TMPRSS11E: variants seen among roughly 807,000 people sequenced by gnomAD.
TMPRSS11E encodes the protein transmembrane serine protease 11E.
TMPRSS11E carries 38 observed loss-of-function variants against 48.1 expected under a neutral mutation model. The observed-to-expected ratio is 0.79, with a 90% CI of 0.61 to 1.04. The LOEUF is 1.04. Among genes scored for constraint, TMPRSS11E ranks in the 50% least tolerant of loss-of-function variants. The probability of loss-of-function intolerance (pLI) is 0.00; values close to 1 mark genes in which losing one functional copy is unlikely to be tolerated. For synonymous variants in TMPRSS11E, 158 were observed against 171.9 expected (o/e 0.92, Z 0.63); for missense variants, 530 against 510.8 (o/e 1.04, Z -0.36).
chr4:68,466,434 C>G (rs991773595), intron 2 of TMPRSS11E, among the ~76,000 whole-genome samples, 197 bp from the exon 3 acceptor site: 1 of 152,092 alleles, frequency 6.6e-6, no homozygotes, highest in Non-Finnish European at 1.5e-5. Flanking sequence ...CTTTTATTCT[C>G]TAAATCACAT....
At chr4:68,495,671 C>T (rs35307342) in intron 9 of TMPRSS11E, among the ~76,000 whole-genome samples, 76,671 of 151,888 alleles carry the variant, frequency 0.5, 21,658 homozygotes, top group Non-Finnish European at 0.65. Context: ...GTTAGCATAA[C>T]GTAGGGAAAA....
intron 3 of TMPRSS11E, among the ~76,000 whole-genome samples, chr4:68,467,017 T>C (rs991986645): frequency 2.6e-5 from 4 of 152,114 alleles, no homozygotes; most frequent in African/African-American, 9.7e-5. Context: ...ATACTCTTGA[T>C]CAGTAGAGTC....
At chr4:68,456,428 A>T (rs796853441) in intron 1 of TMPRSS11E, among the ~76,000 whole-genome samples, 20 of 152,078 alleles carry the variant, frequency 1.3e-4, no homozygotes, top group African/African-American at 4.3e-4. Flanking sequence ...TTGTAATTTT[A>T]TGTGGAGTAA....
At chr4:68,457,148 TCTATTTATCTGACAAAGGG>T (rs1342749111) in intron 1 of TMPRSS11E, among the ~76,000 whole-genome samples, 1 of 152,110 alleles carries the variant, frequency 6.6e-6, no homozygotes, top group Non-Finnish European at 1.5e-5. Context: ...ATTTTTGCAA[TCTATTTATCTGACAAAGGG>T]CTAATATGCA....
intron 1 of TMPRSS11E, 57 bp from the exon 2 acceptor site, chr4:68,461,764 A>G: frequency 6.2e-7 from 1 of 1,610,634 alleles, no homozygotes; most frequent in Admixed American, 1.7e-5. Context: ...TGTTTTGTCT[A>G]ATGAGTGGAT....
chr4:68,468,679 A>C (rs1036883424), intron 3 of TMPRSS11E, among the ~76,000 whole-genome samples, 200 bp from the exon 4 acceptor site: 1 of 152,038 alleles, frequency 6.6e-6, no homozygotes, highest in Non-Finnish European at 1.5e-5. Flanking sequence ...CCCTACTCCT[A>C]TCATTCCTAA....
chr4:68,453,399 C>G (rs1728549136), intron 1 of TMPRSS11E, among the ~76,000 whole-genome samples: 1 of 151,674 alleles, frequency 6.6e-6, no homozygotes. Flanking sequence ...ATGCCTAAGC[C>G]CAAGTCTTTA....
chr4:68,463,462 C>T (rs574558710), intron 2 of TMPRSS11E, among the ~76,000 whole-genome samples: 113 of 152,162 alleles, frequency 7.4e-4, no homozygotes, highest in African/African-American at 2.6e-3. Flanking sequence ...CCACCACACC[C>T]GGCTAATTTT....
In TMPRSS11E at chr4:68,497,281, A is replaced by T. The variant is rs147294487; in HGVS notation, c.*477A>T. Reference sequence around the variant, plus strand: ...CTACATTTTATTGGCACAGAAAAGTATTAGGTGTTTTTCTTAGTGGAATAT... The same window carrying T: ...CTACATTTTATTGGCACAGAAAAGTTTTAGGTGTTTTTCTTAGTGGAATAT... On this transcript the variant is annotated 3_prime_UTR_variant, in exon 10 of 10. Transcript: ENST00000305363. 1 of 152,494 alleles carries T rather than the reference A, an allele frequency of 6.6e-6. No homozygotes were observed. Among genetic ancestry groups the T allele is most frequent in the African/African-American group, 2.4e-5 (1 of 41,438 alleles). 9.4% of individuals were successfully genotyped at this position (152,494 alleles called of 1,614,324 possible). A position where few individuals can be genotyped will look rare whatever the true frequency, so the allele number is the denominator to read the frequency against.
chr4:68,471,613 T>G lies in TMPRSS11E; in HGVS notation c.480T>G (p.Val160=). ...CCCCTAAAGTAGATCCTCACTCAGT[T>G]AAAATTAAAAGTAAGTTAATTTCTC... ...VGPPKVDPHS[V]KIKKINKTET... is the part of the protein sequence containing the mutation. Residue 160 remains valine (V), a synonymous_variant, in exon 5 of 10, where the codon GTT becomes GTG. Transcript: ENST00000305363. The G allele has an allele frequency of 6.3e-7, 1 of 1,583,544 alleles. No individual in the cohort carries two copies.
rs543384592 is a variant in TMPRSS11E at position 68,489,202 on chromosome 4, G to A, written c.1111-7441G>A. Among the ~76,000 whole-genome samples, 10 of 152,236 alleles carry A rather than the reference G, an allele frequency of 6.6e-5. No individual in the cohort carries two copies. In the South Asian group the frequency reaches 8.3e-4, roughly 13 times the overall value. ...TAGTTGTGCTTAGTTAATTTCATTC[G>A]TTTTTGGATGATTTCAGGGGTCCAA... is the stretch of plus-strand genomic sequence containing the variant. On this transcript the variant is annotated intron_variant, in intron 9 of 9. Coordinates refer to ENST00000305363, the MANE Select transcript of TMPRSS11E (RefSeq NM_014058.4).
chr4:68,476,546 A>G (rs2109697207), intron 7 of TMPRSS11E, 108 bp downstream of exon 7: 2 of 1,174,024 alleles, frequency 1.7e-6, no homozygotes, highest in South Asian at 3.2e-5. Flanking sequence ...TAAATTAAAA[A>G]TAGTGTGTAT....
chr4:68,449,360 G>T (rs944160187), intron 1 of TMPRSS11E, among the ~76,000 whole-genome samples: 1 of 151,618 alleles, frequency 6.6e-6, no homozygotes, highest in Non-Finnish European at 1.5e-5. Flanking sequence ...ATATTTATTG[G>T]TCATAGGGGT....
chr4:68,495,723 G>A (rs35473170), intron 9 of TMPRSS11E, among the ~76,000 whole-genome samples: 76,452 of 151,770 alleles, frequency 0.5, 21,534 homozygotes, highest in Non-Finnish European at 0.65. Flanking sequence ...ATTCAAATTC[G>A]GGGTCTGCCA....
At chr4:68,469,292 G>T (rs1251569356) in intron 4 of TMPRSS11E, among the ~76,000 whole-genome samples, 2 of 151,862 alleles carry the variant, frequency 1.3e-5, no homozygotes, top group East Asian at 3.9e-4. Flanking sequence ...AGTAGATCAG[G>T]TTTGTCTTTA....
chr4:68,474,405 T>C (rs1275422404), intron 5 of TMPRSS11E, among the ~76,000 whole-genome samples: 3 of 152,102 alleles, frequency 2.0e-5, no homozygotes, highest in African/African-American at 7.2e-5. Flanking sequence ...ACTCTCTGCA[T>C]CTTATTTACT....
chr4:68,461,455 G>T lies in TMPRSS11E; in HGVS notation c.12-366G>T, dbSNP rs945764803. On this transcript the variant is annotated intron_variant, in intron 1 of 9. Transcript: ENST00000305363. ...GTGTCTAACTCTATATCAAGTACAT[G>T]GCTGGCTCAACAAGTGATAGCTAAC... Among the ~76,000 whole-genome samples, 59 of 152,154 alleles carry T rather than the reference G, an allele frequency of 3.9e-4. 1 individual carries two copies. The highest frequency in any genetic ancestry group is 2.1e-4 in the Non-Finnish European group (14 of 68,038).
At chr4:68,485,128 C>T (rs1729515836) in intron 9 of TMPRSS11E, among the ~76,000 whole-genome samples, 1 of 151,924 alleles carries the variant, frequency 6.6e-6, no homozygotes, top group African/African-American at 2.4e-5. Flanking sequence ...CCTCTGATGC[C>T]TAGTTAGTTC....
At chr4:68,461,147 CT>C (rs890939641) in intron 1 of TMPRSS11E, among the ~76,000 whole-genome samples, 2 of 152,156 alleles carry the variant, frequency 1.3e-5, no homozygotes, top group Non-Finnish European at 2.9e-5. Context: ...TCCCAAAGTG[CT>C]GGGATTATAG....
Sources: allele counts gnomAD v4.1 joint callset (sites outside exome capture counted in the v4.1 genomes callset), GRCh38; gene constraint gnomAD v4.1.1; transcripts MANE v1.5; gene names NCBI Gene and HGNC (gene_info 2026-07-23, HGNC 2026-07-21).